The following DPH6 variants were observed in gnomAD, a reference collection of about 807,000 sequenced individuals.
DPH6 encodes the protein diphthamine biosynthesis 6, also known as diphthine--ammonia ligase.
DPH6 carries 33 observed loss-of-function variants against 38.2 expected under a neutral mutation model. That is an observed-to-expected ratio of 0.86 (90% CI 0.65 to 1.15). The LOEUF (loss-of-function observed/expected upper bound fraction) is 1.15, where lower values mean the gene tolerates loss of function less well. Among genes scored for constraint, DPH6 ranks in the 50% most tolerant of loss-of-function variants. DPH6 has a pLI of 0.00. For synonymous variants in DPH6, 108 were observed against 103.0 expected, an observed-to-expected ratio of 1.05 and a Z score of -0.30; for missense variants, 325 against 320.0, an observed-to-expected ratio of 1.02 and a Z score of -0.12.
Position 35,538,291 on chromosome 15 carries a change from G to A in DPH6, c.295C>T (p.Leu99Phe). The change falls in exon 3 of 9, where the codon CTT becomes TTT. Residue 99 changes from leucine to phenylalanine, a missense_variant. Coordinates refer to ENST00000256538, the MANE Select transcript of DPH6 (RefSeq NM_080650.4). The part of the protein sequence containing the change: ...EGDEVEDLYE[L>F]LKLVKEKEEV... ...CTGCATACCTTAACAAGTTTCAAAAGCTCATAGAGATCTTCAACCTCATCA... is the reference window on the plus strand; with the variant it reads ...CTGCATACCTTAACAAGTTTCAAAAACTCATAGAGATCTTCAACCTCATCA... The A allele has an allele frequency of 6.4e-7, 1 of 1,567,440 alleles. No homozygotes were observed. The highest frequency in any genetic ancestry group is 8.7e-7 in the Non-Finnish European group (1 of 1,145,418).
chr15:35,490,058 T>C (rs973587500), intron 3 of DPH6: 2 of 985,248 alleles, frequency 2.0e-6, no homozygotes, highest in African/African-American at 3.5e-5. Context: ...ACAAGACTAT[T>C]TGAGCAATTA....
intron 3 of DPH6, among the ~76,000 whole-genome samples, chr15:35,526,732 T>C (rs1040182309): frequency 2.0e-5 from 3 of 152,184 alleles, no homozygotes; most frequent in African/African-American, 7.2e-5. Context: ...ATACAAAATA[T>C]ACTGCTTAGA....
intron 3 of DPH6, among the ~76,000 whole-genome samples, chr15:35,457,191 C>T (rs1430217742): frequency 1.3e-5 from 2 of 150,256 alleles, no homozygotes; most frequent in East Asian, 2.0e-4. Context: ...CTGGACTCAA[C>T]TGATCTGCCC....
chr15:35,525,504 G>A (rs2054986213), intron 3 of DPH6, among the ~76,000 whole-genome samples: 1 of 152,146 alleles, frequency 6.6e-6, no homozygotes, highest in South Asian at 2.1e-4. Flanking sequence ...CATAGCATGT[G>A]TTACAAGCTC....
In DPH6 at chr15:35,538,873, C is replaced by T. The variant is rs1490303119; in HGVS notation, c.119-406G>A. ...CATCTAGACTTGTAGAAAAAAAAAC[C>T]TTTCTTAATTAAAGATCTACCTAGT... On this transcript the variant is annotated intron_variant, in intron 2 of 8. Transcript: ENST00000256538. Among the ~76,000 whole-genome samples the T allele has an allele frequency of 2.0e-5, 3 of 151,700 alleles. No homozygotes were observed. In the East Asian group the frequency reaches 5.8e-4, roughly 29 times the overall value.
At chr15:35,540,518 T>C (rs977546248) in intron 2 of DPH6, among the ~76,000 whole-genome samples, 6 of 152,084 alleles carry the variant, frequency 3.9e-5, no homozygotes, top group African/African-American at 1.2e-4. Flanking sequence ...CTGCTGATTT[T>C]CATCAAGATG....
chr15:35,209,485 T>C, the DPH6 span, among the ~76,000 whole-genome samples: 1 of 152,208 alleles, frequency 6.6e-6, no homozygotes, highest in Non-Finnish European at 1.5e-5. Flanking sequence ...ACTCAGTTAC[T>C]ATTTTAGAAG....
At chr15:35,345,101 G>A (rs2052450943) in intron 3 of DPH6, among the ~76,000 whole-genome samples, 1 of 151,842 alleles carries the variant, frequency 6.6e-6, no homozygotes, top group Admixed American at 6.6e-5. Flanking sequence ...TTATAGATGA[G>A]TGAACTAAGA....
At chr15:35,397,868 T>TATAG (rs752473433) in intron 6 of DPH6, among the ~76,000 whole-genome samples, 1 of 87,258 alleles carries the variant, frequency 1.1e-5, no homozygotes. Context: ...TTTATATATA[T>TATAG]ACACACACAC....
intron 6 of DPH6, 26 bp downstream of exon 6, chr15:35,410,808 AT>A: frequency 1.3e-6 from 2 of 1,565,460 alleles, no homozygotes. Context: ...AGATGGCTAC[AT>A]TTTGAGATCT....
At chr15:35,544,170 C>G (rs2055307025) in intron 1 of DPH6, among the ~76,000 whole-genome samples, 1 of 152,122 alleles carries the variant, frequency 6.6e-6, no homozygotes, top group Non-Finnish European at 1.5e-5. Context: ...GGATACTAAG[C>G]TAAGTTATTC....
chr15:35,490,619 A>G (rs936360235), intron 3 of DPH6, among the ~76,000 whole-genome samples: 1 of 152,126 alleles, frequency 6.6e-6, no homozygotes, highest in African/African-American at 2.4e-5. Flanking sequence ...AGCATACAGT[A>G]TTTACTTCAC....
intron 3 of DPH6, among the ~76,000 whole-genome samples, chr15:35,528,421 T>C (rs1289780552): frequency 1.3e-5 from 2 of 152,162 alleles, no homozygotes; most frequent in East Asian, 1.9e-4. Context: ...ACTATATAAA[T>C]TAGCTGTGGA....
chr15:35,194,372 A>AGAC, the DPH6 span, among the ~76,000 whole-genome samples: 2 of 145,584 alleles, frequency 1.4e-5, no homozygotes, highest in Admixed American at 6.9e-5. Context: ...CTTTTTCCAG[A>AGAC]GAGAGAGAGA....
chr15:35,490,075 T>C, intron 3 of DPH6: 3 of 985,436 alleles, frequency 3.0e-6, no homozygotes, highest in Non-Finnish European at 3.6e-6. Flanking sequence ...ATTATCTTCT[T>C]ACTTGGCCTA....
At chr15:35,443,189 A>G (rs80052836) in intron 5 of DPH6, among the ~76,000 whole-genome samples, 2,772 of 152,304 alleles carry the variant, frequency 0.018, 88 homozygotes, top group African/African-American at 0.063. Flanking sequence ...CTCAGAAATT[A>G]TATCATCAGT....
intron 3 of DPH6, among the ~76,000 whole-genome samples, chr15:35,295,869 T>A (rs1466573380): frequency 1.3e-5 from 2 of 152,196 alleles, no homozygotes; most frequent in Non-Finnish European, 2.9e-5. Flanking sequence ...ATGTATGCAT[T>A]GTGCATATTG....
chr15:35,388,651 G>C (rs1185777479), intron 6 of DPH6, among the ~76,000 whole-genome samples: 1 of 152,302 alleles, frequency 6.6e-6, no homozygotes, highest in East Asian at 1.9e-4. Context: ...AGTATTCTCT[G>C]ATGGTAGTTT....
intron 5 of DPH6, among the ~76,000 whole-genome samples, chr15:35,413,710 ACC>A (rs2053399427): frequency 6.6e-6 from 1 of 151,528 alleles, no homozygotes; most frequent in Admixed American, 6.6e-5. Flanking sequence ...CTTTTGTTCC[ACC>A]CAATCTTATA....
Sources: gnomAD v4.1 joint callset for allele counts (sites outside exome capture counted in the v4.1 genomes callset) on GRCh38, gnomAD v4.1.1 for gene constraint, MANE v1.5 for transcripts, NCBI Gene and HGNC (gene_info 2026-07-23, HGNC 2026-07-21) for gene names.